Variants in CDC42BPA observed in about 807,000 individuals in gnomAD.
CDC42BPA encodes the protein serine/threonine-protein kinase MRCK alpha.
A neutral mutation model predicts 223.5 loss-of-function variants in CDC42BPA; 80 were observed. The ratio of observed to expected loss-of-function variants is 0.36; its 90% CI spans 0.30 to 0.43. The LOEUF (loss-of-function observed/expected upper bound fraction) is 0.43. Ranked by LOEUF, CDC42BPA falls within the 20% of genes least tolerant of loss-of-function variation. CDC42BPA has a pLI of 1.00. For synonymous variants in CDC42BPA, 694 were observed against 718.6 expected (o/e 0.97, Z 0.55); for missense variants, 1,743 against 2,099.9 (o/e 0.83, Z 3.32).
chr1:227,175,147 G>A (rs773881187), intron 5 of CDC42BPA, among the ~76,000 whole-genome samples: 4 of 151,974 alleles, frequency 2.6e-5, no homozygotes, highest in South Asian at 2.1e-4. Context: ...ATATATTTTC[G>A]TGTACATTCC....
At chr1:227,160,283 G>A (rs960206419) in intron 6 of CDC42BPA, among the ~76,000 whole-genome samples, 1 of 152,108 alleles carries the variant, frequency 6.6e-6, no homozygotes, top group Non-Finnish European at 1.5e-5. Context: ...AACTAAAGAA[G>A]GAGCAAACAA....
intron 2 of CDC42BPA, among the ~76,000 whole-genome samples, chr1:227,244,496 G>GC (rs995805778): frequency 2.0e-4 from 29 of 146,550 alleles, no homozygotes; most frequent in Middle Eastern, 3.5e-3. Flanking sequence ...TCACATGGTG[G>GC]GGGGGGGCAA....
chr1:227,298,151 A>AT (rs1691038098), intron 1 of CDC42BPA, among the ~76,000 whole-genome samples: 1 of 151,764 alleles, frequency 6.6e-6, no homozygotes, highest in Non-Finnish European at 1.5e-5. Context: ...AATTTCACAC[A>AT]TATGGCATTT....
intron 1 of CDC42BPA, among the ~76,000 whole-genome samples, chr1:227,268,586 ATGTGTATATATAGTG>A (rs200850724): frequency 0.096 from 13,955 of 145,062 alleles, 1,068 homozygotes; most frequent in East Asian, 0.35. Flanking sequence ...GTATATATAT[ATGTGTATATATAGTG>A]TGTGTATAGT....
At chr1:227,277,749 T>TTTTG (rs777939847) in intron 1 of CDC42BPA, among the ~76,000 whole-genome samples, 4 of 150,026 alleles carry the variant, frequency 2.7e-5, no homozygotes, top group African/African-American at 9.7e-5. Context: ...TGGATAAAAC[T>TTTTG]TTTGTTTGTT....
intron 23 of CDC42BPA, among the ~76,000 whole-genome samples, chr1:227,042,297 GAT>G (rs10544091): frequency 0.21 from 30,525 of 147,514 alleles, 3,386 homozygotes; most frequent in African/African-American, 0.25. Flanking sequence ...ATACATATAT[GAT>G]ATATATATAT....
intron 23 of CDC42BPA, among the ~76,000 whole-genome samples, chr1:227,041,500 A>C (rs564875223): frequency 3.3e-5 from 5 of 152,322 alleles, no homozygotes; most frequent in African/African-American, 9.6e-5. Flanking sequence ...TTCAGTAGAC[A>C]CTAACATATG....
At chr1:227,049,812 G>C (rs1294488845) in intron 22 of CDC42BPA, among the ~76,000 whole-genome samples, 5 of 151,954 alleles carry the variant, frequency 3.3e-5, no homozygotes, top group Non-Finnish European at 1.5e-5. Context: ...TTGTTCACAT[G>C]GGAAAAAGAC....
intron 10 of CDC42BPA, among the ~76,000 whole-genome samples, chr1:227,134,932 T>G (rs1658185409): frequency 6.6e-6 from 1 of 152,224 alleles, no homozygotes; most frequent in African/African-American, 2.4e-5. Context: ...AAAGTAAAAA[T>G]TCAATACATA....
At chr1:227,245,284 CTTTTT>C (rs759666049) in intron 2 of CDC42BPA, among the ~76,000 whole-genome samples, 11 of 81,784 alleles carry the variant, frequency 1.3e-4, no homozygotes, top group Admixed American at 2.8e-4. Context: ...TGTCTTGCAT[CTTTTT>C]TTTTTTTTTT....
chr1:227,079,747 C>T (rs1680238290), intron 17 of CDC42BPA, among the ~76,000 whole-genome samples: 1 of 151,904 alleles, frequency 6.6e-6, no homozygotes, highest in Non-Finnish European at 1.5e-5. Flanking sequence ...CCAAAATATG[C>T]ATACAGGAAT....
At chr1:227,191,693 C>CA (rs200600799) in intron 5 of CDC42BPA, among the ~76,000 whole-genome samples, 1,382 of 80,628 alleles carry the variant, frequency 0.017, 24 homozygotes, top group African/African-American at 0.051. Context: ...AAATATTCAA[C>CA]GAAATAGTAT....
At chr1:227,193,228 C>T (rs998854347) in intron 5 of CDC42BPA, among the ~76,000 whole-genome samples, 1 of 85,842 alleles carries the variant, frequency 1.2e-5, no homozygotes. Flanking sequence ...CGCCACCACG[C>T]CCGGCTAATT....
At chr1:227,043,911 T>C (rs1258523207) in intron 23 of CDC42BPA, among the ~76,000 whole-genome samples, 1 of 152,132 alleles carries the variant, frequency 6.6e-6, no homozygotes, top group Non-Finnish European at 1.5e-5. Context: ...TCATACAGCT[T>C]ACGTATGACT....
chr1:227,226,593 A>G (rs1676905883), intron 2 of CDC42BPA, among the ~76,000 whole-genome samples: 1 of 152,230 alleles, frequency 6.6e-6, no homozygotes, highest in Non-Finnish European at 1.5e-5. Flanking sequence ...CTGAAGCAGT[A>G]TAAAGAACCT....
chr1:227,019,713 A>G (rs1667015645), intron 32 of CDC42BPA, among the ~76,000 whole-genome samples: 2 of 152,154 alleles, frequency 1.3e-5, no homozygotes, highest in African/African-American at 4.8e-5. Flanking sequence ...CATCTCCATC[A>G]GAGATTTTGG....
In CDC42BPA at chr1:227,258,750, A is replaced by T. The variant is rs1486986248; in HGVS notation, c.179-4595T>A. Reference sequence around the variant, plus strand: ...TTATTCCTGAAAAAAGTTCATTAGCAATATTTAACAAAAGTGCTTTTATAC... The same window carrying T: ...TTATTCCTGAAAAAAGTTCATTAGCTATATTTAACAAAAGTGCTTTTATAC... On this transcript the variant is annotated intron_variant, in intron 1 of 36. Transcript: ENST00000366766. Among the ~76,000 whole-genome samples the T allele has an allele frequency of 1.3e-5, 2 of 151,196 alleles. 1 individual carries two copies. The highest frequency in any genetic ancestry group is 4.9e-5 in the African/African-American group (2 of 40,466).
At chr1:227,150,548 A>G (rs1405487403) in intron 6 of CDC42BPA, among the ~76,000 whole-genome samples, 2 of 152,174 alleles carry the variant, frequency 1.3e-5, no homozygotes, top group Non-Finnish European at 2.9e-5. Context: ...TATCGCTAAC[A>G]TTTCCTTTCG....
intron 21 of CDC42BPA, among the ~76,000 whole-genome samples, chr1:227,067,715 A>G (rs896605600): frequency 1.3e-5 from 2 of 152,156 alleles, no homozygotes; most frequent in African/African-American, 2.4e-5. Context: ...TTTTTGTTCA[A>G]TAATTTTTAA....
Sources: gnomAD v4.1 joint callset for allele counts (sites outside exome capture counted in the v4.1 genomes callset) on GRCh38, gnomAD v4.1.1 for gene constraint, MANE v1.5 for transcripts, NCBI Gene and HGNC (gene_info 2026-07-23, HGNC 2026-07-21) for gene names.